The following SLC39A12 variants were observed in gnomAD, a reference collection of about 807,000 sequenced individuals.
SLC39A12 encodes zinc transporter ZIP12.
In SLC39A12, 63 loss-of-function variants were observed where a neutral mutation model predicts 71.1. The observed-to-expected ratio is 0.89, with a 90% CI of 0.72 to 1.09. The LOEUF is 1.09. Ranked by LOEUF, SLC39A12 falls within the 50% of genes least tolerant of loss-of-function variation. The pLI is 0.00. For synonymous variants in SLC39A12, 351 were observed against 301.3 expected (o/e 1.16, Z -1.71); for missense variants, 892 against 812.6 (o/e 1.10, Z -1.19).
chr10:17,997,873 C>T (rs1412826901), intron 10 of SLC39A12, among the ~76,000 whole-genome samples: 3 of 152,176 alleles, frequency 2.0e-5, no homozygotes, highest in South Asian at 2.1e-4. Context: ...CCATGGAAAA[C>T]CTCTGATAGC....
chr10:18,028,054 C>T (rs1451140838), intron 12 of SLC39A12, among the ~76,000 whole-genome samples: 1 of 152,202 alleles, frequency 6.6e-6, no homozygotes, highest in African/African-American at 2.4e-5. Flanking sequence ...ATACCTGCCT[C>T]CGTGTGCACA....
intron 12 of SLC39A12, among the ~76,000 whole-genome samples, chr10:18,041,628 T>TG (rs1837233756): frequency 1.6e-5 from 2 of 126,492 alleles, no homozygotes; most frequent in African/African-American, 6.1e-5. Flanking sequence ...CATATGTATA[T>TG]ATGTGTATAT....
Position 17,987,471 on chromosome 10 carries a change from T to A in SLC39A12, c.1097-8T>A. ...CACTGACTGTGTTTACGATCTCCTT[T>A]GACTTAGAATACGGCTACAGCACGG... On this transcript the variant is annotated splice_polypyrimidine_tract_variant and splice_region_variant and intron_variant, in intron 6 of 12. Transcript: ENST00000377369. 4 of 1,613,262 alleles carry A rather than the reference T, an allele frequency of 2.5e-6. No individual in the cohort carries two copies. Among genetic ancestry groups the A allele is most frequent in the Non-Finnish European group, 3.4e-6 (4 of 1,179,796 alleles).
chr10:17,979,944 G>A (rs147427220), intron 5 of SLC39A12, among the ~76,000 whole-genome samples: 29 of 152,222 alleles, frequency 1.9e-4, no homozygotes, highest in African/African-American at 6.3e-4. Flanking sequence ...GTGAGTTTAC[G>A]AGAGAAGGCC....
In SLC39A12 at chr10:18,042,833, A is replaced by G. The variant is rs371964674; in HGVS notation, c.2076A>G (p.Ter692=). 6.2e-7 allele frequency: 1 copy of G among 1,603,708 alleles called. No homozygotes were observed. Among genetic ancestry groups the G allele is most frequent in the African/African-American group, 1.3e-5 (1 of 74,284 alleles). ...LAIYEQNIKI[*] is the part of the protein sequence containing the mutation. ...TATATGAGCAAAATATTAAAATATA[A>G]GTGAGGATCTTCAACATCTTTCAAA... Residue 692 remains the stop codon, a stop_retained_variant, in exon 13 of 13, where the codon TAA becomes TAG. Coordinates refer to ENST00000377369, the MANE Select transcript of SLC39A12 (RefSeq NM_001145195.2).
At chr10:18,003,465 A>T (rs891254251) in intron 12 of SLC39A12, 107 bp downstream of exon 12, 52 of 982,730 alleles carry the variant, frequency 5.3e-5, no homozygotes, top group Non-Finnish European at 6.9e-5. Flanking sequence ...AGAAGAATTT[A>T]TAAAACAATA....
intron 2 of SLC39A12, among the ~76,000 whole-genome samples, chr10:17,959,832 C>G (rs1413853403): frequency 2.0e-5 from 3 of 152,156 alleles, no homozygotes; most frequent in Admixed American, 6.5e-5. Flanking sequence ...GTGCTTGTGG[C>G]TTGTGAAACA....
intron 7 of SLC39A12, among the ~76,000 whole-genome samples, chr10:17,990,306 A>G (rs1350441974): frequency 6.6e-6 from 1 of 152,192 alleles, no homozygotes; most frequent in Admixed American, 6.5e-5. Context: ...GTATACTCAC[A>G]TATACACACG....
intron 7 of SLC39A12, among the ~76,000 whole-genome samples, chr10:17,989,924 G>T (rs776172866): frequency 3.3e-5 from 5 of 151,946 alleles, no homozygotes; most frequent in Non-Finnish European, 5.9e-5. Context: ...AAAAAAAAAA[G>T]AGACGAGGAC....
intron 4 of SLC39A12, among the ~76,000 whole-genome samples, chr10:17,971,235 C>G (rs973553913): frequency 6.9e-6 from 1 of 145,874 alleles, no homozygotes; most frequent in African/African-American, 2.5e-5. Context: ...TTTTGCATCA[C>G]TGTTCATCAG....
rs190600982 is a variant in SLC39A12 at position 18,030,330 on chromosome 10, C to G, written c.1948-12375C>G. On this transcript the variant is annotated intron_variant, in intron 12 of 12. Transcript: ENST00000377369. ...CAGGCTGGAGCACAGTGGCGCCTCC[C>G]AGGTTCATGCCATTCTCCTGCCTCA... is the stretch of plus-strand genomic sequence containing the variant. 4.4e-4 allele frequency among the ~76,000 whole-genome samples: 67 copies of G among 151,830 alleles called. No individual in the cohort carries two copies. The Middle Eastern group carries it at 0.01, about 23-fold the overall frequency.
At chr10:18,036,001 C>T (rs867886497) in intron 12 of SLC39A12, among the ~76,000 whole-genome samples, 49 of 152,278 alleles carry the variant, frequency 3.2e-4, no homozygotes, top group Admixed American at 1.2e-3. Context: ...GGCAGTCTGC[C>T]GGTTCTCAGA....
chr10:17,970,781 G>C (rs911181988), intron 4 of SLC39A12, among the ~76,000 whole-genome samples: 3 of 148,608 alleles, frequency 2.0e-5, no homozygotes, highest in African/African-American at 7.4e-5. Flanking sequence ...TTCCAATTTG[G>C]ATGCCCTTTA....
intron 12 of SLC39A12, among the ~76,000 whole-genome samples, chr10:18,026,859 A>G (rs1260076246): frequency 6.6e-6 from 1 of 152,060 alleles, no homozygotes; most frequent in African/African-American, 2.4e-5. Flanking sequence ...AATCTCTAGC[A>G]TTTATTTTTT....
chr10:17,961,454 G>T (rs782238434), intron 2 of SLC39A12, 127 bp from the exon 3 acceptor site: 3 of 873,018 alleles, frequency 3.4e-6, no homozygotes, highest in East Asian at 2.6e-5. Context: ...TCTGGCTATT[G>T]GTCCTGCCTG....
chr10:17,982,826 G>T (rs1333778858), intron 6 of SLC39A12, among the ~76,000 whole-genome samples: 3 of 152,032 alleles, frequency 2.0e-5, no homozygotes, highest in African/African-American at 2.4e-5. Context: ...GTCTCCTCTC[G>T]AATGAACTTC....
At chr10:18,041,793 CTA>C (rs1201050271) in intron 12 of SLC39A12, among the ~76,000 whole-genome samples, 1 of 128,418 alleles carries the variant, frequency 7.8e-6, no homozygotes, top group Non-Finnish European at 1.8e-5. Context: ...ACATATGTGT[CTA>C]TATGTATATA....
At position 17,996,680 on chromosome 10, in the gene SLC39A12, C is replaced by T. The variant is rs548904817; in HGVS notation, c.1600+958C>T. Among the ~76,000 whole-genome samples the T allele has an allele frequency of 2.0e-5, 3 of 152,308 alleles. No individual in the cohort carries two copies. In the South Asian group the frequency reaches 6.2e-4, roughly 32 times the overall value. ...TGCTCAAGATTATATAGCTAGTCAG[C>T]TCTAGCGCTGGGGAACTAAAGAAAT... On this transcript the variant is annotated intron_variant, in intron 10 of 12. Transcript: ENST00000377369.
intron 12 of SLC39A12, among the ~76,000 whole-genome samples, chr10:18,018,016 A>G (rs1836431611): frequency 6.6e-6 from 1 of 152,200 alleles, no homozygotes; most frequent in Non-Finnish European, 1.5e-5. Context: ...CTACCCTTGA[A>G]CATGGAATAC....
Sources: allele counts gnomAD v4.1 joint callset (sites outside exome capture counted in the v4.1 genomes callset), GRCh38; gene constraint gnomAD v4.1.1; transcripts MANE v1.5; gene names NCBI Gene and HGNC (gene_info 2026-07-23, HGNC 2026-07-21).